The following DPY19L4 variants were observed in gnomAD, a reference collection of about 807,000 sequenced individuals.
DPY19L4 encodes probable C-mannosyltransferase DPY19L4.
In DPY19L4, 97 loss-of-function variants were observed where a neutral mutation model predicts 102.8. The ratio of observed to expected loss-of-function variants is 0.94; its 90% CI spans 0.80 to 1.12. The LOEUF is 1.12. Among genes scored for constraint, DPY19L4 ranks in the 50% most tolerant of loss-of-function variants. The pLI is 0.00. For missense variants in DPY19L4, 815 were observed against 850.4 expected (o/e 0.96, Z 0.52); for synonymous variants, 252 against 283.1 (o/e 0.89, Z 1.10).
At chr8:94,736,689 T>C (rs1215702045) in intron 3 of DPY19L4, among the ~76,000 whole-genome samples, 1 of 152,186 alleles carries the variant, frequency 6.6e-6, no homozygotes, top group African/African-American at 2.4e-5. Context: ...ATTAGCCTGA[T>C]TGTAGGAATT....
At position 94,756,102 on chromosome 8, in the gene DPY19L4, A is replaced by G. The variant is rs1298307652; in HGVS notation, c.678A>G (p.Ala226=). 1.2e-6 allele frequency: 2 copies of G among 1,613,876 alleles called. No individual in the cohort carries two copies. Among genetic ancestry groups the G allele is most frequent in the South Asian group, 2.2e-5 (2 of 91,044 alleles). ...AAAACTGGGCACTACCATATTTTGCATGCCAAATTGCTGCACTTACAGGCT... is the reference window on the plus strand; with the variant it reads ...AAAACTGGGCACTACCATATTTTGCGTGCCAAATTGCTGCACTTACAGGCT... ...LRENWALPYF[A]CQIAALTGYL... Residue 226 remains alanine (A), a synonymous_variant, in exon 7 of 19, where the codon GCA becomes GCG. Transcript: ENST00000414645.
At chr8:94,785,159 C>T (rs1813601992) in intron 17 of DPY19L4, among the ~76,000 whole-genome samples, 1 of 152,170 alleles carries the variant, frequency 6.6e-6, no homozygotes, top group Non-Finnish European at 1.5e-5. Context: ...GTTACTAAAT[C>T]TCGAGATTAA....
At position 94,787,887 on chromosome 8, in the gene DPY19L4, C is replaced by T; in HGVS notation, c.1849-7C>T. ...CTTTCAGTTTTATTTTAATTATATTCTTTCAGATCTACCAAATCTATTCAA... is the reference window on the plus strand; with the variant it reads ...CTTTCAGTTTTATTTTAATTATATTTTTTCAGATCTACCAAATCTATTCAA... On this transcript the variant is annotated splice_region_variant and splice_polypyrimidine_tract_variant and intron_variant, in intron 17 of 18. Transcript: ENST00000414645. The T allele has an allele frequency of 7.5e-7, 1 of 1,336,772 alleles. No homozygotes were observed. The highest frequency in any genetic ancestry group is 2.9e-5 in the East Asian group (1 of 34,400). 82.8% of individuals were successfully genotyped at this position (1,336,772 alleles called of 1,614,324 possible). A position where few individuals can be genotyped will look rare whatever the true frequency, so the allele number is the denominator to read the frequency against.
At chr8:94,721,129 A>G (rs1810440942) in intron 1 of DPY19L4, among the ~76,000 whole-genome samples, 1 of 152,138 alleles carries the variant, frequency 6.6e-6, no homozygotes, top group South Asian at 2.1e-4. Context: ...TATTTTGAGT[A>G]GAGACGGGGT....
chr8:94,758,789 C>T (rs1448861712), intron 7 of DPY19L4, among the ~76,000 whole-genome samples: 2 of 150,652 alleles, frequency 1.3e-5, no homozygotes, highest in Non-Finnish European at 2.9e-5. Flanking sequence ...GGCTGGAGTA[C>T]AGTGGGACAA....
At position 94,789,731 on chromosome 8, in the gene DPY19L4, T is replaced by C; in HGVS notation, c.2008-15T>C. On this transcript the variant is annotated splice_polypyrimidine_tract_variant and intron_variant, in intron 18 of 18. Transcript: ENST00000414645. The stretch of plus-strand genomic sequence containing the variant: ...TAATAAGCTTTTTAATATTATGTTT[T>C]ATATCTTTTAATAGATGGTTTGTGA... 1 of 1,575,940 alleles carries C rather than the reference T, an allele frequency of 6.3e-7. No individual in the cohort carries two copies. The highest frequency in any genetic ancestry group is 8.6e-7 in the Non-Finnish European group (1 of 1,163,464).
intron 3 of DPY19L4, 125 bp from the exon 4 acceptor site, chr8:94,738,244 A>G: frequency 8.3e-6 from 2 of 241,598 alleles, no homozygotes; most frequent in Non-Finnish European, 1.6e-5. Flanking sequence ...GCATGAACCT[A>G]CGAGGCGGAG....
intron 15 of DPY19L4, 67 bp downstream of exon 15, chr8:94,780,482 T>C: frequency 2.9e-6 from 3 of 1,033,590 alleles, no homozygotes. Context: ...TAAATTTATA[T>C]GTGTGGGTAG....
intron 13 of DPY19L4, among the ~76,000 whole-genome samples, chr8:94,773,623 T>A (rs1229426800): frequency 6.6e-6 from 1 of 151,544 alleles, no homozygotes; most frequent in Non-Finnish European, 1.5e-5. Flanking sequence ...AGAGATGGGG[T>A]TTCTTCATGT....
intron 2 of DPY19L4, among the ~76,000 whole-genome samples, chr8:94,729,207 A>T (rs1810824025): frequency 6.6e-6 from 1 of 151,760 alleles, no homozygotes; most frequent in African/African-American, 2.4e-5. Flanking sequence ...CGTCTCTACT[A>T]AAAAAATACA....
intron 7 of DPY19L4, among the ~76,000 whole-genome samples, chr8:94,757,153 A>G (rs751232183): frequency 6.6e-6 from 1 of 152,232 alleles, no homozygotes; most frequent in Non-Finnish European, 1.5e-5. Flanking sequence ...ACTGGCTAGA[A>G]AAAGAGAGCA....
At chr8:94,783,859 A>G (rs1360388305) in intron 17 of DPY19L4, 57 bp downstream of exon 17, 6 of 1,594,418 alleles carry the variant, frequency 3.8e-6, no homozygotes, top group Middle Eastern at 1.7e-4. Flanking sequence ...GTATTTTAGC[A>G]TAGTCTGCAG....
At chr8:94,720,242 G>A (rs1360535301) in intron 1 of DPY19L4, 2 of 985,294 alleles carry the variant, frequency 2.0e-6, no homozygotes, top group Admixed American at 6.2e-5. Flanking sequence ...CAAAGGTGGA[G>A]CTGAAAGTTG....
intron 13 of DPY19L4, 105 bp from the exon 14 acceptor site, chr8:94,777,561 A>G: frequency 7.3e-7 from 1 of 1,373,536 alleles, no homozygotes; most frequent in South Asian, 1.5e-5. Context: ...GTCCCTTAGC[A>G]TTTTGGTATT....
chr8:94,730,471 C>T (rs1158170786), intron 2 of DPY19L4, among the ~76,000 whole-genome samples: 3 of 151,842 alleles, frequency 2.0e-5, no homozygotes, highest in African/African-American at 7.3e-5. Flanking sequence ...TAATGCTGGG[C>T]GTGGTGGCTC....
intron 9 of DPY19L4, 28 bp downstream of exon 9, chr8:94,765,342 T>C: frequency 6.3e-7 from 1 of 1,581,684 alleles, no homozygotes; most frequent in South Asian, 1.2e-5. Context: ...TTTATTGTTC[T>C]TATTTTGATT....
At chr8:94,736,164 C>T (rs1018756682) in intron 3 of DPY19L4, among the ~76,000 whole-genome samples, 2 of 152,084 alleles carry the variant, frequency 1.3e-5, no homozygotes, top group Non-Finnish European at 2.9e-5. Context: ...CGCTGTGGGG[C>T]CTCTTTTATA....
intron 4 of DPY19L4, 46 bp from the exon 5 acceptor site, chr8:94,739,367 T>G (rs376120973): frequency 1.1e-5 from 16 of 1,509,196 alleles, no homozygotes; most frequent in Non-Finnish European, 1.3e-5. Flanking sequence ...GTTTAATTAC[T>G]GTGAAGCAGA....
rs1368793862 is a variant in DPY19L4, at chr8:94,739,482, C to T, written c.413C>T (p.Ser138Phe). 6.2e-6 allele frequency: 10 copies of T among 1,608,758 alleles called. No individual in the cohort carries two copies. Among genetic ancestry groups the T allele is most frequent in the Non-Finnish European group, 8.5e-6 (10 of 1,178,710 alleles). Reference protein sequence around the residue: ...LKTINAVQQMSLYPELIASIL... With the variant: ...LKTINAVQQMFLYPELIASIL... ...ACTATAAATGCAGTGCAGCAAATGT[C>T]TCTGTATCCGGAACTTATTGCTAGC... The change falls in exon 5 of 19, where the codon TCT becomes TTT. Residue 138 changes from serine to phenylalanine, a missense_variant. Coordinates refer to ENST00000414645, the MANE Select transcript of DPY19L4 (RefSeq NM_181787.3).
Sources: gnomAD v4.1 joint callset for allele counts (sites outside exome capture counted in the v4.1 genomes callset) on GRCh38, gnomAD v4.1.1 for gene constraint, MANE v1.5 for transcripts, NCBI Gene and HGNC (gene_info 2026-07-23, HGNC 2026-07-21) for gene names.